Variants in TLK1 observed in about 807,000 individuals in gnomAD.
The protein encoded by TLK1 is tousled like kinase 1.
In TLK1, 24 loss-of-function variants were observed where a neutral mutation model predicts 105.3. That is an observed-to-expected ratio of 0.23 (90% CI 0.17 to 0.32). The LOEUF is 0.32. Ranked by LOEUF, TLK1 falls within the 10% of genes least tolerant of loss-of-function variation. The probability of loss-of-function intolerance (pLI) is 1.00; values close to 1 mark genes in which losing one functional copy is unlikely to be tolerated. For synonymous variants in TLK1, 321 were observed against 310.4 expected, an observed-to-expected ratio of 1.03 and a Z score of -0.36; for missense variants, 558 against 910.5, an observed-to-expected ratio of 0.61 and a Z score of 4.98.
intron 1 of TLK1, among the ~76,000 whole-genome samples, chr2:171,137,166 A>G (rs1691360043): frequency 6.6e-6 from 1 of 152,044 alleles, no homozygotes; most frequent in Non-Finnish European, 1.5e-5. Flanking sequence ...TACAAAAAAT[A>G]TAAAAATTAG....
chr2:171,014,804 G>A (rs752904727), intron 13 of TLK1, 47 bp downstream of exon 13: 26 of 1,312,018 alleles, frequency 2.0e-5, no homozygotes, highest in Non-Finnish European at 2.9e-5. Flanking sequence ...TGGGGGGCGG[G>A]GGTAGTTTTA....
intron 1 of TLK1, among the ~76,000 whole-genome samples, chr2:171,191,410 C>T (rs1410753316): frequency 2.6e-5 from 4 of 151,350 alleles, no homozygotes; most frequent in African/African-American, 9.8e-5. Flanking sequence ...ACCCCCCCCT[C>T]TAAAAAAATG....
At chr2:171,004,398 T>A (rs1250407821) in intron 18 of TLK1, among the ~76,000 whole-genome samples, 2 of 152,032 alleles carry the variant, frequency 1.3e-5, no homozygotes, top group Non-Finnish European at 2.9e-5. Context: ...ATTTCAAACC[T>A]ATATTATTCA....
intron 2 of TLK1, among the ~76,000 whole-genome samples, chr2:171,113,552 C>T (rs771906725): frequency 1.0e-3 from 152 of 152,106 alleles, no homozygotes; most frequent in Admixed American, 1.7e-3. Context: ...GGATTACAAG[C>T]GTGAGCCACC....
chr2:171,157,920 C>A (rs527696800), intron 1 of TLK1, among the ~76,000 whole-genome samples: 1 of 152,132 alleles, frequency 6.6e-6, no homozygotes, highest in Admixed American at 6.5e-5. Flanking sequence ...GTGATACATA[C>A]AATACATTCA....
chr2:171,181,607 C>A (rs139182541), intron 1 of TLK1, among the ~76,000 whole-genome samples: 81 of 152,262 alleles, frequency 5.3e-4, no homozygotes, highest in African/African-American at 1.8e-3. Flanking sequence ...CGAAGGGGAA[C>A]TGTTGTGTGC....
At chr2:171,140,931 G>T (rs940225998) in intron 1 of TLK1, among the ~76,000 whole-genome samples, 1 of 152,110 alleles carries the variant, frequency 6.6e-6, no homozygotes, top group Non-Finnish European at 1.5e-5. Context: ...GAATAAAATT[G>T]AAATTCTAGA....
intron 1 of TLK1, among the ~76,000 whole-genome samples, chr2:171,123,145 G>GCA (rs901787140): frequency 1.3e-5 from 2 of 151,518 alleles, no homozygotes; most frequent in African/African-American, 2.4e-5. Flanking sequence ...TGAGAAGATA[G>GCA]CACCTCACTT....
Position 171,043,943 on chromosome 2 carries a change from A to C in TLK1, c.1169+2231T>G, listed in dbSNP as rs567720331. Among the ~76,000 whole-genome samples, 61 of 152,292 alleles carry C rather than the reference A, an allele frequency of 4.0e-4. 1 individual carries two copies. Among genetic ancestry groups the C allele is most frequent in the Non-Finnish European group, 7.8e-4 (53 of 68,014 alleles). Reference sequence around the variant, plus strand: ...TTCACCTGGCTTTTGGTTTTTTCTTAAACAAATTTACTAACTTACAAAAAG... The same window carrying C: ...TTCACCTGGCTTTTGGTTTTTTCTTCAACAAATTTACTAACTTACAAAAAG... On this transcript the variant is annotated intron_variant, in intron 11 of 20. Coordinates refer to ENST00000431350, the MANE Select transcript of TLK1 (RefSeq NM_012290.5).
intron 18 of TLK1, among the ~76,000 whole-genome samples, chr2:171,001,255 C>T (rs1684353593): frequency 1.3e-5 from 2 of 152,124 alleles, no homozygotes; most frequent in Non-Finnish European, 2.9e-5. Context: ...CAATCCTTTC[C>T]ATAGAGTATC....
chr2:171,032,445 C>G (rs1686091134), intron 11 of TLK1, among the ~76,000 whole-genome samples: 1 of 152,060 alleles, frequency 6.6e-6, no homozygotes, highest in African/African-American at 2.4e-5. Flanking sequence ...TTCTATACAC[C>G]AGCAATGAAC....
chr2:171,127,457 T>G (rs1471377608), intron 1 of TLK1, among the ~76,000 whole-genome samples: 1 of 152,136 alleles, frequency 6.6e-6, no homozygotes, highest in Non-Finnish European at 1.5e-5. Context: ...TATACTATGT[T>G]GCATTATTTA....
chr2:171,067,882 T>C (rs1415052564), intron 3 of TLK1, among the ~76,000 whole-genome samples: 2 of 152,210 alleles, frequency 1.3e-5, no homozygotes, highest in African/African-American at 4.8e-5. Context: ...TTTGGTCTTC[T>C]GTTCTTGTGT....
intron 1 of TLK1, among the ~76,000 whole-genome samples, chr2:171,132,190 C>A (rs893946301): frequency 6.6e-6 from 1 of 152,168 alleles, no homozygotes; most frequent in Non-Finnish European, 1.5e-5. Flanking sequence ...GGCACCTCTT[C>A]ACAGAGCAGC....
intron 4 of TLK1, among the ~76,000 whole-genome samples, chr2:171,059,094 T>A (rs1473464506): frequency 6.6e-5 from 10 of 152,170 alleles, no homozygotes; most frequent in Non-Finnish European, 2.9e-5. Flanking sequence ...TTTTAAAAAC[T>A]AAACAAGTAT....
Position 171,056,483 on chromosome 2 carries a change from A to C in TLK1, c.537T>G (p.Thr179=). 1 of 1,611,388 alleles carries C rather than the reference A, an allele frequency of 6.2e-7. No homozygotes were observed. Among genetic ancestry groups the C allele is most frequent in the South Asian group, 1.1e-5 (1 of 90,978 alleles). Residue 179 remains threonine (T), a synonymous_variant, in exon 6 of 21, where the codon ACT becomes ACG. Transcript: ENST00000431350. ...RSPQNSHSHS[T]PSSSVRPNSP... ...AAAGATGACTTACAGATGAGGAAGG[A>C]GTGGAATGTGAATGTGAATTTTGAG...
Position 171,160,266 on chromosome 2 carries a change from G to C in TLK1, c.139+24C>G, listed in dbSNP as rs1692425917. 1 of 1,496,254 alleles carries C rather than the reference G, an allele frequency of 6.7e-7. No individual in the cohort carries two copies. Among genetic ancestry groups the C allele is most frequent in the Non-Finnish European group, 8.9e-7 (1 of 1,128,500 alleles). The allele number at this position is 1,496,254 out of a possible 1,614,324, so 92.7% of individuals were successfully genotyped here. A position where few individuals can be genotyped will look rare whatever the true frequency, so the allele number is the denominator to read the frequency against. ...GGCGCGGGAGAGGAGGCCCGCGAGC[G>C]GGCGCGGGCGCGGCGGTGCTTACCT... On this transcript the variant is annotated intron_variant, in intron 1 of 20. Coordinates refer to ENST00000431350, the MANE Select transcript of TLK1 (RefSeq NM_012290.5). This position sits in a 1 kb window ranked among gnomAD's most constrained non-coding sequence, Gnocchi z 4.4.
intron 2 of TLK1, among the ~76,000 whole-genome samples, chr2:171,091,982 T>A (rs975195333): frequency 6.6e-6 from 1 of 152,014 alleles, no homozygotes; most frequent in Non-Finnish European, 1.5e-5. Context: ...TCCGCCAGCC[T>A]CAGCCTCCCA....
intron 2 of TLK1, among the ~76,000 whole-genome samples, chr2:171,085,918 A>G (rs1427548524): frequency 6.6e-6 from 1 of 152,238 alleles, no homozygotes; most frequent in East Asian, 1.9e-4. Flanking sequence ...GAAAGCATAC[A>G]CAAAATAATT....
Sources: gnomAD v4.1 joint callset for allele counts (sites outside exome capture counted in the v4.1 genomes callset) on GRCh38, gnomAD v4.1.1 for gene constraint, Gnocchi (gnomAD v3.1) non-coding constraint, MANE v1.5 for transcripts, NCBI Gene and HGNC (gene_info 2026-07-23, HGNC 2026-07-21) for gene names.